AFF3: variants seen among roughly 807,000 people sequenced by gnomAD.
The protein encoded by AFF3 is ALF transcription elongation factor 3, also known as AF4/FMR2 family member 3.
Under a neutral mutation model 129.7 loss-of-function variants are expected in AFF3, and 32 were observed. The observed-to-expected ratio is 0.25, with a 90% CI of 0.19 to 0.33. The LOEUF is 0.33. AFF3 is among the 10% of genes least tolerant of loss of function. AFF3 has a pLI of 1.00. For missense variants in AFF3, 1,373 were observed against 1,592.0 expected (o/e 0.86, Z 2.34); for synonymous variants, 644 against 635.4 (o/e 1.01, Z -0.20).
chr2:99,547,482 T>TA lies in AFF3; in HGVS notation c.*3991dup, dbSNP rs1189361200. 8.1e-5 allele frequency: 16 copies of TA among 196,454 alleles called. No individual in the cohort carries two copies. Among genetic ancestry groups the TA allele is most frequent in the Non-Finnish European group, 1.1e-4 (11 of 99,540 alleles). 12.2% of individuals were successfully genotyped at this position (196,454 alleles called of 1,614,324 possible). A position where few individuals can be genotyped will look rare whatever the true frequency, so the allele number is the denominator to read the frequency against. ...TGGGTCTGAAGAGTGTCTACATTGT[T>TA]AAAAAAATCTTGCTTTTTTTTTTTT... On this transcript the variant is annotated 3_prime_UTR_variant, in exon 25 of 25. Transcript: ENST00000672756.
chr2:99,954,378 C>G (rs1402659823), intron 7 of AFF3, among the ~76,000 whole-genome samples: 2 of 152,040 alleles, frequency 1.3e-5, no homozygotes, highest in Non-Finnish European at 2.9e-5. Flanking sequence ...GGATCTAGAA[C>G]TAGAAATACC....
At position 100,120,891 on chromosome 2, in the gene AFF3, G is replaced by A. The variant is rs1318940582; in HGVS notation, c.-145+8333C>T. Among the ~76,000 whole-genome samples the A allele has an allele frequency of 7.2e-5, 11 of 152,280 alleles. No individual in the cohort carries two copies. The East Asian group carries it at 2.1e-3, about 29-fold the overall frequency. On this transcript the variant is annotated intron_variant, in intron 2 of 24. Transcript: ENST00000672756. ...GGCCTCAAGCGATCCTCCTGCCTCA[G>A]TCTCCATGAGTAGCTGGGATTATAG...
At chr2:99,979,185 C>A (rs1041892453) in intron 7 of AFF3, among the ~76,000 whole-genome samples, 4 of 152,156 alleles carry the variant, frequency 2.6e-5, no homozygotes, top group Non-Finnish European at 5.9e-5. Flanking sequence ...TGCAAAGACC[C>A]TGCAGTGTGT....
chr2:99,570,824 C>A (rs1299306359), intron 18 of AFF3, among the ~76,000 whole-genome samples: 1 of 152,206 alleles, frequency 6.6e-6, no homozygotes, highest in Non-Finnish European at 1.5e-5. Context: ...CTCATCACTT[C>A]CCCCACCTGG....
chr2:99,960,905 G>A (rs1225788125), intron 7 of AFF3, among the ~76,000 whole-genome samples: 1 of 152,152 alleles, frequency 6.6e-6, no homozygotes, highest in Non-Finnish European at 1.5e-5. Flanking sequence ...GGCTCCTTCT[G>A]AGCTGCCCTG....
intron 13 of AFF3, among the ~76,000 whole-genome samples, chr2:99,634,078 C>G (rs1683388540): frequency 6.6e-6 from 1 of 152,058 alleles, no homozygotes; most frequent in Non-Finnish European, 1.5e-5. Flanking sequence ...CCATGCCCAG[C>G]TAATTTTTGT....
At chr2:99,752,106 G>T (rs1681706220) in intron 9 of AFF3, 115 bp downstream of exon 9, 2 of 902,824 alleles carry the variant, frequency 2.2e-6, no homozygotes, top group Non-Finnish European at 3.4e-6. Flanking sequence ...TCAGATTCAC[G>T]TGCCTCTGGC....
At chr2:99,604,151 T>A (rs996198504) in intron 13 of AFF3, among the ~76,000 whole-genome samples, 8 of 152,200 alleles carry the variant, frequency 5.3e-5, no homozygotes, top group Admixed American at 5.2e-4. Context: ...TAGATCACTC[T>A]ATCATAAAGA....
intron 7 of AFF3, among the ~76,000 whole-genome samples, chr2:99,852,208 A>G (rs1690199940): frequency 6.6e-6 from 1 of 152,208 alleles, no homozygotes; most frequent in African/African-American, 2.4e-5. Context: ...GCCCTGATCA[A>G]TACAGCCTCT....
chr2:99,622,589 C>T (rs768898722), intron 13 of AFF3, among the ~76,000 whole-genome samples: 1 of 152,244 alleles, frequency 6.6e-6, no homozygotes, highest in East Asian at 1.9e-4. Context: ...GCTCCACCAT[C>T]ACAGAGAATG....
chr2:100,085,574 T>TATCCCAGGCACTCTGGATCCCC (rs1247054688), intron 4 of AFF3, among the ~76,000 whole-genome samples: 1 of 147,690 alleles, frequency 6.8e-6, no homozygotes, highest in African/African-American at 2.5e-5. Flanking sequence ...CCTGGGTCCC[T>TATCCCAGGCACTCTGGATCCCC]ACCCCAGGCA....
intron 11 of AFF3, among the ~76,000 whole-genome samples, chr2:99,720,415 C>T (rs1393101579): frequency 6.6e-6 from 1 of 152,138 alleles, no homozygotes; most frequent in Non-Finnish European, 1.5e-5. Flanking sequence ...TTAGGTTTCC[C>T]TCTTCGCACC....
At chr2:99,642,820 C>G (rs966242101) in intron 13 of AFF3, among the ~76,000 whole-genome samples, 1 of 152,050 alleles carries the variant, frequency 6.6e-6, no homozygotes, top group South Asian at 2.1e-4. Context: ...ATCACCTGTT[C>G]GCGGCTCAGT....
intron 7 of AFF3, among the ~76,000 whole-genome samples, chr2:99,859,012 TC>T (rs1690763202): frequency 6.6e-6 from 1 of 152,244 alleles, no homozygotes; most frequent in African/African-American, 2.4e-5. Context: ...AACTTTATTC[TC>T]CATGAATATG....
At chr2:99,994,856 C>T (rs111851811) in intron 7 of AFF3, among the ~76,000 whole-genome samples, 11 of 152,058 alleles carry the variant, frequency 7.2e-5, no homozygotes, top group African/African-American at 2.7e-4. Context: ...TAGGGTTCAC[C>T]CTATATTTGA....
chr2:100,140,939 T>A (rs968228198), intron 1 of AFF3, among the ~76,000 whole-genome samples: 3 of 152,104 alleles, frequency 2.0e-5, no homozygotes, highest in East Asian at 1.9e-4. Context: ...ACTCTTACCA[T>A]GTCCCTTCAA....
chr2:99,649,433 A>G (rs543209686), intron 13 of AFF3, among the ~76,000 whole-genome samples, 193 bp downstream of exon 13: 70 of 152,312 alleles, frequency 4.6e-4, no homozygotes, highest in African/African-American at 1.7e-3. Context: ...CATACTTGCT[A>G]TGAAATACAA....
chr2:100,087,871 ATAGATTAAAG>A, intron 4 of AFF3, among the ~76,000 whole-genome samples: 1 of 147,810 alleles, frequency 6.8e-6, no homozygotes, highest in East Asian at 1.9e-4. Context: ...AAGTATATTA[ATAGATTAAAG>A]TATATTAAAG....
intron 7 of AFF3, among the ~76,000 whole-genome samples, chr2:99,844,487 G>C (rs1490277571): frequency 3.3e-5 from 4 of 119,576 alleles, no homozygotes; most frequent in African/African-American, 1.3e-4. Flanking sequence ...TCCCAGGCTA[G>C]AGCACAGTGG....
Sources: gnomAD v4.1 joint callset for allele counts (sites outside exome capture counted in the v4.1 genomes callset) on GRCh38, gnomAD v4.1.1 for gene constraint, MANE v1.5 for transcripts, NCBI Gene and HGNC (gene_info 2026-07-23, HGNC 2026-07-21) for gene names.